Variants in TAF4B observed in about 807,000 individuals in gnomAD.
TAF4B encodes TATA-box binding protein associated factor 4b.
A neutral mutation model predicts 86.4 loss-of-function variants in TAF4B; 38 were observed. That is an observed-to-expected ratio of 0.44 (90% CI 0.34 to 0.58). The LOEUF (loss-of-function observed/expected upper bound fraction) is 0.58. TAF4B is among the 20% of genes least tolerant of loss of function. The probability of loss-of-function intolerance (pLI) is 0.02; values close to 1 mark genes in which losing one functional copy is unlikely to be tolerated. For synonymous variants in TAF4B, 388 were observed against 391.2 expected (o/e 0.99, Z 0.10); for missense variants, 988 against 1,027.6 (o/e 0.96, Z 0.53).
chr18:26,249,946 CCT>C (rs939478330), intron 1 of TAF4B, among the ~76,000 whole-genome samples: 3 of 152,118 alleles, frequency 2.0e-5, no homozygotes, highest in Non-Finnish European at 4.4e-5. Flanking sequence ...TGGTCTCAAA[CCT>C]CTGGCTTTAT....
chr18:26,314,276 T>A (rs2144662683), intron 9 of TAF4B, among the ~76,000 whole-genome samples: 1 of 152,352 alleles, frequency 6.6e-6, no homozygotes, highest in South Asian at 2.1e-4. Flanking sequence ...GTAAGATGCT[T>A]CTTATTACAT....
chr18:26,285,911 G>A lies in TAF4B; in HGVS notation c.1002G>A (p.Leu334=). ...GCGTGGTTGCCTTACGACAACTTCT[G>A]CCTAACTCCCAGAGCTTCATCCAGC... ...KKSVVALRQL[L]PNSQSFIQQC... is the part of the protein sequence containing the mutation. The change falls in exon 7 of 15, where the codon CTG becomes CTA. Residue 334 remains leucine (L), a synonymous_variant. Transcript: ENST00000269142. The A allele has an allele frequency of 6.2e-7, 1 of 1,611,822 alleles. No individual in the cohort carries two copies. The highest frequency in any genetic ancestry group is 8.5e-7 in the Non-Finnish European group (1 of 1,178,478).
intron 14 of TAF4B, among the ~76,000 whole-genome samples, chr18:26,388,538 C>T (rs78618346): frequency 6.6e-6 from 1 of 152,170 alleles, no homozygotes; most frequent in South Asian, 2.1e-4. Flanking sequence ...TATAGTACAA[C>T]GTAAGGTAAT....
rs1177240114 is a variant in TAF4B, at chr18:26,265,185, A to G, written c.359A>G (p.Lys120Arg). ...LQLPPGTVLI[K>R]SNSGPLMLVS... The stretch of plus-strand genomic sequence containing the variant: ...TTAAATATAGGAACCGTTTTGATTA[A>G]AAGTAACAGTGGTCCGTTGATGTTG... Residue 120 changes from lysine (K) to arginine (R), a missense_variant, in exon 2 of 15, where the codon AAA (lysine) becomes AGA (arginine). Physicochemically the swap from Lys to Arg is conservative, Grantham distance 26. Around this residue, in one of 3 missense-constraint regions of TAF4B, gnomAD observed 747 missense variants for 737.9 expected, o/e 1.01. Coordinates refer to ENST00000269142, the MANE Select transcript of TAF4B (RefSeq NM_005640.3). The G allele has an allele frequency of 6.2e-7, 1 of 1,611,868 alleles. No individual in the cohort carries two copies. Among genetic ancestry groups the G allele is most frequent in the Admixed American group, 1.7e-5 (1 of 59,412 alleles).
At chr18:26,300,779 C>G (rs2144632939) in intron 9 of TAF4B, among the ~76,000 whole-genome samples, 1 of 151,886 alleles carries the variant, frequency 6.6e-6, no homozygotes, top group Non-Finnish European at 1.5e-5. Context: ...TCTTCTATAC[C>G]CTGGGCTTTT....
chr18:26,357,865 A>G, intron 14 of TAF4B, 71 bp downstream of exon 14: 1 of 1,211,082 alleles, frequency 8.3e-7, no homozygotes, highest in Admixed American at 2.0e-5. Flanking sequence ...AAAGACTTAA[A>G]AATAGTTTAC....
intron 14 of TAF4B, among the ~76,000 whole-genome samples, chr18:26,365,150 G>T (rs2057363573): frequency 6.6e-6 from 1 of 151,852 alleles, no homozygotes; most frequent in Non-Finnish European, 1.5e-5. Flanking sequence ...GGAACTACAG[G>T]CGCATGCCAC....
chr18:26,338,658 A>T (rs938626757), intron 13 of TAF4B, among the ~76,000 whole-genome samples: 2 of 151,480 alleles, frequency 1.3e-5, no homozygotes, highest in African/African-American at 4.9e-5. Flanking sequence ...TTGTATTTTT[A>T]GTGGAGATGG....
In TAF4B at chr18:26,367,258, A is replaced by G. The variant is rs904432163; in HGVS notation, c.2421+9464A>G. ...ACGCTATGCTGTCTGCAACCTGGAG[A>G]CCCAGGTAAGTTGGTGGTATAATTC... On this transcript the variant is annotated intron_variant, in intron 14 of 14. Transcript: ENST00000269142. Among the ~76,000 whole-genome samples, 10 of 152,294 alleles carry G rather than the reference A, an allele frequency of 6.6e-5. No homozygotes were observed. The South Asian group carries it at 1.2e-3, about 19-fold the overall frequency.
chr18:26,288,350 A>G (rs960767067), intron 7 of TAF4B, among the ~76,000 whole-genome samples: 3 of 152,142 alleles, frequency 2.0e-5, no homozygotes, highest in African/African-American at 7.2e-5. Flanking sequence ...GTAACAGTTA[A>G]GTGGCCGGGC....
chr18:26,239,399 T>C (rs932414187), intron 1 of TAF4B, among the ~76,000 whole-genome samples: 127 of 152,280 alleles, frequency 8.3e-4, no homozygotes, highest in African/African-American at 2.6e-3. Flanking sequence ...TTTTGAGAAG[T>C]GTCTGTTCAT....
chr18:26,350,159 T>G (rs1156912658), intron 13 of TAF4B, among the ~76,000 whole-genome samples: 1 of 152,212 alleles, frequency 6.6e-6, no homozygotes, highest in Non-Finnish European at 1.5e-5. Flanking sequence ...GAAAATATTT[T>G]ATGAATAAGA....
At chr18:26,288,751 G>GA (rs1356051849) in intron 7 of TAF4B, among the ~76,000 whole-genome samples, 1 of 152,128 alleles carries the variant, frequency 6.6e-6, no homozygotes, top group African/African-American at 2.4e-5. Context: ...TAGGTTTCTG[G>GA]AATGTCCTGA....
At chr18:26,231,371 G>T (rs2055668025) in intron 1 of TAF4B, among the ~76,000 whole-genome samples, 2 of 85,916 alleles carry the variant, frequency 2.3e-5, no homozygotes, top group African/African-American at 9.3e-5. Context: ...TTTTTTTTTG[G>T]AGACAGAGTC....
chr18:26,252,795 TTTTA>T (rs1335044048), intron 1 of TAF4B, among the ~76,000 whole-genome samples: 5 of 150,376 alleles, frequency 3.3e-5, no homozygotes, highest in African/African-American at 4.8e-5. Context: ...CTATTTTTAT[TTTTA>T]TTTATTATTT....
chr18:26,319,715 G>A (rs1453040447), intron 10 of TAF4B, among the ~76,000 whole-genome samples: 10 of 151,934 alleles, frequency 6.6e-5, no homozygotes, highest in East Asian at 1.9e-4. Flanking sequence ...TCAACCTCTC[G>A]TGTAGCTCGG....
At chr18:26,268,843 G>T (rs934576643) in intron 3 of TAF4B, among the ~76,000 whole-genome samples, 1 of 151,922 alleles carries the variant, frequency 6.6e-6, no homozygotes, top group African/African-American at 2.4e-5. Flanking sequence ...TATTTTTGAA[G>T]ACAGAGTCTC....
chr18:26,349,705 T>A (rs1435476354), intron 13 of TAF4B, among the ~76,000 whole-genome samples: 1 of 152,056 alleles, frequency 6.6e-6, no homozygotes, highest in Non-Finnish European at 1.5e-5. Context: ...AAAAGTAAAT[T>A]TGAAAATTCA....
At chr18:26,381,695 C>T (rs1278040216) in intron 14 of TAF4B, among the ~76,000 whole-genome samples, 1 of 151,620 alleles carries the variant, frequency 6.6e-6, no homozygotes, top group Non-Finnish European at 1.5e-5. Flanking sequence ...CCATTGCACT[C>T]CAGCCTGGGC....
Sources: allele counts gnomAD v4.1 joint callset (sites outside exome capture counted in the v4.1 genomes callset), GRCh38; gene constraint gnomAD v4.1.1; regional missense constraint gnomAD v4.1.1; transcripts MANE v1.5; gene names NCBI Gene and HGNC (gene_info 2026-07-23, HGNC 2026-07-21).